The following LSMEM2 variants were observed in gnomAD, a reference collection of about 807,000 sequenced individuals.
LSMEM2 encodes leucine-rich single-pass membrane protein 2.
In LSMEM2, 20 loss-of-function variants were observed where a neutral mutation model predicts 17.3. That is an observed-to-expected ratio of 1.16 (90% CI 0.81 to 1.68). LSMEM2 has a LOEUF of 1.68. Among genes scored for constraint, LSMEM2 ranks in the 40% most tolerant of loss-of-function variants. The probability of loss-of-function intolerance (pLI) is 0.00; values close to 1 mark genes in which losing one functional copy is unlikely to be tolerated. For synonymous variants in LSMEM2, 94 were observed against 97.8 expected (o/e 0.96, Z 0.23); for missense variants, 207 against 214.3 (o/e 0.97, Z 0.21).
chr3:50,283,210 G>A (rs188570984), intron 1 of LSMEM2, among the ~76,000 whole-genome samples: 5 of 151,922 alleles, frequency 3.3e-5, no homozygotes, highest in Admixed American at 6.6e-5. Context: ...ACGAAACACC[G>A]GCTGGGTGCG....
chr3:50,286,979 G>A, intron 3 of LSMEM2, 90 bp from the exon 4 acceptor site: 1 of 1,590,024 alleles, frequency 6.3e-7, no homozygotes, highest in Non-Finnish European at 8.6e-7. Context: ...GATGGGGCGG[G>A]AGGCCCGTGG....
At position 50,287,055 on chromosome 3, in the gene LSMEM2, C is replaced by A; in HGVS notation, c.362-14C>A. On this transcript the variant is annotated splice_polypyrimidine_tract_variant and intron_variant, in intron 3 of 3. Coordinates refer to ENST00000316436, the MANE Select transcript of LSMEM2 (RefSeq NM_153215.3). ...TGGCACATGGTCTGATGATCCCCCACTTCCCATTCACAGTGCTGCAGAGTG... is the reference window on the plus strand; with the variant it reads ...TGGCACATGGTCTGATGATCCCCCAATTCCCATTCACAGTGCTGCAGAGTG... 1 of 1,613,830 alleles carries A rather than the reference C, an allele frequency of 6.2e-7. No individual in the cohort carries two copies. Among genetic ancestry groups the A allele is most frequent in the South Asian group, 1.1e-5 (1 of 91,084 alleles).
rs370814261 is a variant in LSMEM2, at chr3:50,287,115, G to A, written c.408G>A (p.Thr136=). 2.2e-5 allele frequency: 36 copies of A among 1,614,016 alleles called. No homozygotes were observed. Among genetic ancestry groups the A allele is most frequent in the Middle Eastern group, 1.6e-4 (1 of 6,084 alleles). ...GCATCCTGGCACACACGCTCCGCAC[G>A]CAGGAGGAGACACTACTCAAACTCC... ...SLRILAHTLR[T]QEETLLKLRL... The change falls in exon 4 of 4, where the codon ACG becomes ACA. Residue 136 remains threonine, a synonymous_variant. Transcript: ENST00000316436.
chr3:50,284,219 A>G (rs1701466678), intron 1 of LSMEM2, among the ~76,000 whole-genome samples: 1 of 151,608 alleles, frequency 6.6e-6, no homozygotes, highest in African/African-American at 2.4e-5. Context: ...AAAAAAAAAA[A>G]AAAAAAGCGC....
intron 1 of LSMEM2, among the ~76,000 whole-genome samples, chr3:50,282,330 C>T (rs1383295756): frequency 6.6e-6 from 1 of 152,226 alleles, no homozygotes; most frequent in African/African-American, 2.4e-5. Context: ...ACCACCCAGA[C>T]ATAATGACTG....
At position 50,286,691 on chromosome 3, in the gene LSMEM2, T is replaced by TATC. The variant is rs1553708557; in HGVS notation, c.191_193dup (p.Tyr64_Leu65insHis). 4 of 1,613,898 alleles carry TATC rather than the reference T, an allele frequency of 2.5e-6. No individual in the cohort carries two copies. In the Admixed American group the frequency reaches 5.0e-5, roughly 20 times the overall value. Reference sequence around the variant, plus strand: ...CCACCCAGCAGGCACACTGCGCCCCTATCTAACTGAAGAGGCACGACCGTG... The same window carrying TATC: ...CCACCCAGCAGGCACACTGCGCCCCTATCATCTAACTGAAGAGGCACGACCGTG... On this transcript the variant is annotated inframe_insertion, in exon 3 of 4. Transcript: ENST00000316436.
chr3:50,287,028 G>A, intron 3 of LSMEM2, 41 bp from the exon 4 acceptor site: 1 of 1,610,970 alleles, frequency 6.2e-7, no homozygotes. Flanking sequence ...GGGGTCACGG[G>A]GTGGCACATG....
At chr3:50,284,432 G>A (rs182315104) in intron 1 of LSMEM2, among the ~76,000 whole-genome samples, 1 of 151,174 alleles carries the variant, frequency 6.6e-6, no homozygotes, top group Non-Finnish European at 1.5e-5. Context: ...TTTGGTAATA[G>A]CTTTAAAAAA....
chr3:50,280,177 C>CTTTTTTTT (rs10656924), intron 1 of LSMEM2, among the ~76,000 whole-genome samples: 1,716 of 117,592 alleles, frequency 0.015, 106 homozygotes, highest in Non-Finnish European at 0.017. Flanking sequence ...CTGGCCTCAA[C>CTTTTTTTT]TTTTTTTTTT....
rs185736007 is a variant in LSMEM2 at position 50,287,414 on chromosome 3, G to A, written c.*212G>A. The A allele has an allele frequency of 5.5e-5, 37 of 676,644 alleles. No homozygotes were observed. The highest frequency in any genetic ancestry group is 3.8e-5 in the South Asian group (2 of 52,168). The allele number at this position is 676,644 out of a possible 1,614,324, so 41.9% of individuals were successfully genotyped here. ...GCCAAGCCTCTGGTGCCAAAGCCTCGCTTTGGGTGGCCCAAGGTCAGGGGA... is the reference window on the plus strand; with the variant it reads ...GCCAAGCCTCTGGTGCCAAAGCCTCACTTTGGGTGGCCCAAGGTCAGGGGA... On this transcript the variant is annotated 3_prime_UTR_variant, in exon 4 of 4. Coordinates refer to ENST00000316436, the MANE Select transcript of LSMEM2 (RefSeq NM_153215.3).
intron 3 of LSMEM2, 24 bp from the exon 4 acceptor site, chr3:50,287,045 T>C (rs781911408): frequency 3.1e-6 from 5 of 1,613,226 alleles, no homozygotes; most frequent in South Asian, 1.1e-5. Flanking sequence ...CATGGTCTGA[T>C]GATCCCCCAC....
chr3:50,286,360 C>CA, intron 1 of LSMEM2, 111 bp from the exon 2 acceptor site: 1 of 1,437,754 alleles, frequency 7.0e-7, no homozygotes. Context: ...GATTTGGAAC[C>CA]AAATGTCCCA....
chr3:50,286,733 G>T lies in LSMEM2; in HGVS notation c.232G>T (p.Val78Phe), dbSNP rs151106412. ...EARPWDELLGVLPPSLCAQAG... is the reference protein window; with the variant it reads ...EARPWDELLGFLPPSLCAQAG... ...ACGACCGTGGGATGAGCTGCTGGGC[G>T]TTTTGCCGCCGTCACTGTGTGCCCA... The change falls in exon 3 of 4, where the codon GTT becomes TTT. Residue 78 changes from valine to phenylalanine, a missense_variant. By Grantham distance (50) the Val-to-Phe change is conservative. Coordinates refer to ENST00000316436, the MANE Select transcript of LSMEM2 (RefSeq NM_153215.3). 1.9e-6 allele frequency: 3 copies of T among 1,614,216 alleles called. No homozygotes were observed. The highest frequency in any genetic ancestry group is 4.5e-5 in the East Asian group (2 of 44,884).
rs782142597 is a variant in LSMEM2, at chr3:50,286,647, C to A, written c.173-27C>A. On this transcript the variant is annotated intron_variant, in intron 2 of 3. Coordinates refer to ENST00000316436, the MANE Select transcript of LSMEM2 (RefSeq NM_153215.3). ...AGGGGACGAAAGCAGGTGCACCCAC[C>A]ACCCTCCCAATGTCCCATCCACCCA... The A allele has an allele frequency of 2.5e-6, 4 of 1,611,280 alleles. No homozygotes were observed. In the South Asian group the frequency reaches 4.4e-5, roughly 18 times the overall value.
At chr3:50,285,733 A>C (rs1366317683) in intron 1 of LSMEM2, among the ~76,000 whole-genome samples, 4 of 152,178 alleles carry the variant, frequency 2.6e-5, no homozygotes, top group Non-Finnish European at 5.9e-5. Flanking sequence ...AAAAACCTTC[A>C]TATTCAACGG....
chr3:50,285,244 C>CTGAT (rs1167847185), intron 1 of LSMEM2, among the ~76,000 whole-genome samples: 3 of 145,072 alleles, frequency 2.1e-5, no homozygotes, highest in African/African-American at 7.7e-5. Context: ...AGGCAGAGAA[C>CTGAT]TGATTGAACC....
chr3:50,278,839 A>T (rs587681096), upstream of LSMEM2, among the ~76,000 whole-genome samples: 3 of 152,108 alleles, frequency 2.0e-5, no homozygotes, highest in Non-Finnish European at 4.4e-5. Context: ...TGGAGTGGCC[A>T]TTCTGGATGT....
rs186979063 is a variant in LSMEM2 at position 50,284,547 on chromosome 3, T to C, written c.59-1924T>C. On this transcript the variant is annotated intron_variant, in intron 1 of 3. Coordinates refer to ENST00000316436, the MANE Select transcript of LSMEM2 (RefSeq NM_153215.3). ...GAGCTCGAGACCAGCCTGGGCAACA[T>C]AGTAAAACCCTGTCTCTACAAAAAA... 1.7e-3 allele frequency among the ~76,000 whole-genome samples: 250 copies of C among 151,316 alleles called. 3 individuals are homozygous for C. The highest frequency in any genetic ancestry group is 5.4e-3 in the African/African-American group (221 of 41,198).
chr3:50,287,141 G>A lies in LSMEM2; in HGVS notation c.434G>A (p.Arg145His), dbSNP rs782295207. ...RTQEETLLKL[R>H]LASLSQLRRL... ...CAGGAGGAGACACTACTCAAACTCC[G>A]CTTGGCCAGCCTCAGCCAGCTTCGG... Residue 145 changes from arginine to histidine, a missense_variant, in exon 4 of 4, where the codon CGC becomes CAC. Arg to His is a conservative substitution (Grantham distance 29). Coordinates refer to ENST00000316436, the MANE Select transcript of LSMEM2 (RefSeq NM_153215.3). 3.7e-6 allele frequency: 6 copies of A among 1,614,082 alleles called. No individual in the cohort carries two copies. The highest frequency in any genetic ancestry group is 2.2e-5 in the South Asian group (2 of 91,080).
Sources: gnomAD v4.1 joint callset for allele counts (sites outside exome capture counted in the v4.1 genomes callset) on GRCh38, gnomAD v4.1.1 for gene constraint, MANE v1.5 for transcripts, NCBI Gene and HGNC (gene_info 2026-07-23, HGNC 2026-07-21) for gene names.